Variants in TLL1 observed in about 807,000 individuals in gnomAD.
TLL1 encodes the protein tolloid-like protein 1.
A neutral mutation model predicts 128.2 loss-of-function variants in TLL1; 49 were observed. The observed-to-expected ratio is 0.38, with a 90% CI of 0.30 to 0.48. TLL1 has a LOEUF of 0.48. TLL1 is among the 20% of genes least tolerant of loss of function. The pLI, the probability that TLL1 is intolerant of heterozygous loss-of-function variation, is 0.96. For synonymous variants in TLL1, 454 were observed against 418.8 expected (o/e 1.08, Z -1.03); for missense variants, 1,123 against 1,242.0 (o/e 0.90, Z 1.44).
chr4:166,001,064 T>G (rs973716743), intron 5 of TLL1, among the ~76,000 whole-genome samples: 10 of 152,092 alleles, frequency 6.6e-5, no homozygotes, highest in African/African-American at 2.2e-4. Flanking sequence ...AGGATTTATA[T>G]TTGTGGAAAA....
intron 1 of TLL1, among the ~76,000 whole-genome samples, chr4:165,968,965 A>G (rs1735516739): frequency 6.6e-6 from 1 of 152,186 alleles, no homozygotes. Context: ...AGCCTTGTAG[A>G]ACCTGGAAGT....
chr4:165,973,754 C>T (rs1250475315), intron 1 of TLL1, among the ~76,000 whole-genome samples: 2 of 151,780 alleles, frequency 1.3e-5, no homozygotes, highest in Non-Finnish European at 2.9e-5. Flanking sequence ...CAATCTGCAC[C>T]TCCCAGGTAC....
At chr4:166,090,186 T>C (rs1741695205) in intron 18 of TLL1, among the ~76,000 whole-genome samples, 1 of 76,348 alleles carries the variant, frequency 1.3e-5, no homozygotes, top group Non-Finnish European at 2.8e-5. Flanking sequence ...TGCTTTATAA[T>C]ATTTTAGTTT....
At chr4:165,922,721 A>G (rs1733090113) in intron 1 of TLL1, among the ~76,000 whole-genome samples, 1 of 152,234 alleles carries the variant, frequency 6.6e-6, no homozygotes, top group African/African-American at 2.4e-5. Flanking sequence ...AGAAAAACAT[A>G]CAAGTTAAAA....
intron 5 of TLL1, among the ~76,000 whole-genome samples, chr4:165,996,603 TAAATAAATAAACAAAC>T (rs1736888267): frequency 4.6e-5 from 1 of 21,682 alleles, no homozygotes; most frequent in Non-Finnish European, 1.1e-4. Context: ...CATCTCAAAA[TAAATAAATAAACAAAC>T]AAACAAACAA....
At chr4:165,973,809 G>C (rs1027827070) in intron 1 of TLL1, among the ~76,000 whole-genome samples, 2 of 151,902 alleles carry the variant, frequency 1.3e-5, no homozygotes, top group African/African-American at 4.8e-5. Context: ...GGAAATACAG[G>C]TGTGAGCCAC....
chr4:166,068,114 A>C (rs1740656248), intron 16 of TLL1, among the ~76,000 whole-genome samples: 1 of 151,834 alleles, frequency 6.6e-6, no homozygotes, highest in Non-Finnish European at 1.5e-5. Flanking sequence ...GCTGTTTTTC[A>C]GATTGATATT....
chr4:165,962,733 A>T (rs1735172084), intron 1 of TLL1, among the ~76,000 whole-genome samples: 1 of 152,134 alleles, frequency 6.6e-6, no homozygotes, highest in Admixed American at 6.6e-5. Context: ...AGTCATAAAG[A>T]AAAGAAAGAA....
chr4:166,085,732 A>G (rs559592008), intron 18 of TLL1, among the ~76,000 whole-genome samples: 2 of 152,062 alleles, frequency 1.3e-5, no homozygotes, highest in Non-Finnish European at 2.9e-5. Context: ...ACTGGTCTTC[A>G]GGTTTTTTGT....
In TLL1 at chr4:165,979,511, T is replaced by C. The variant is rs868811247; in HGVS notation, c.170-9870T>C. On this transcript the variant is annotated intron_variant, in intron 1 of 20. Coordinates refer to ENST00000061240, the MANE Select transcript of TLL1 (RefSeq NM_012464.5). ...ATATGAGTTTGGAAGAATAGAAACA[T>C]GTACAGGAGTGACAAATACTATATT... Among the ~76,000 whole-genome samples the C allele has an allele frequency of 3.3e-5, 5 of 152,262 alleles. No homozygotes were observed. In the South Asian group the frequency reaches 1.0e-3, roughly 32 times the overall value.
chr4:166,054,731 T>G (rs887909444), intron 12 of TLL1, among the ~76,000 whole-genome samples: 1 of 147,640 alleles, frequency 6.8e-6, no homozygotes, highest in Non-Finnish European at 1.5e-5. Context: ...GCCCAGATTT[T>G]TAGTGATAAT....
rs1327366360 is a variant in TLL1 at position 165,873,915 on chromosome 4, G to C, written c.11G>C (p.Gly4Ala). 1 of 1,613,836 alleles carries C rather than the reference G, an allele frequency of 6.2e-7. No homozygotes were observed. The highest frequency in any genetic ancestry group is 1.3e-5 in the African/African-American group (1 of 74,910). Residue 4 changes from glycine (G) to alanine (A), a missense_variant, in exon 1 of 21, where the codon GGA becomes GCA. Physicochemically the swap from Gly to Ala is moderately conservative, Grantham distance 60. This residue lies in a region of TLL1 where 480 missense variants were observed against 542.4 expected (regional missense o/e 0.89). Transcript: ENST00000061240. MGL[G>A]TLSPRMLVWL... ...CTCCGGGGGAGGAGGATGGGGTTGG[G>C]AACGCTTTCCCCGAGGATGCTCGTG... is the stretch of plus-strand genomic sequence containing the variant.
At chr4:165,972,091 C>T (rs916075563) in intron 1 of TLL1, among the ~76,000 whole-genome samples, 1 of 151,596 alleles carries the variant, frequency 6.6e-6, no homozygotes, top group Non-Finnish European at 1.5e-5. Context: ...GGACAGATTG[C>T]TTGAGCAATC....
chr4:166,075,075 A>G (rs760229573), intron 17 of TLL1, 72 bp downstream of exon 17: 3 of 1,590,890 alleles, frequency 1.9e-6, no homozygotes, highest in Non-Finnish European at 2.6e-6. Context: ...ACTGCTTCCA[A>G]GTAGAGTTAA....
intron 8 of TLL1, among the ~76,000 whole-genome samples, chr4:166,025,013 C>CTT (rs1370239823): frequency 6.6e-6 from 1 of 152,034 alleles, no homozygotes; most frequent in South Asian, 2.1e-4. Flanking sequence ...CATGGGTGTG[C>CTT]TTTAGAGGGG....
rs1460825806 is a variant in TLL1, at chr4:166,102,140, T to TA, written c.*1265dup. 2 of 152,452 alleles carry TA rather than the reference T, an allele frequency of 1.3e-5. No homozygotes were observed. The highest frequency in any genetic ancestry group is 2.9e-5 in the Non-Finnish European group (2 of 67,950). The allele number at this position is 152,452 out of a possible 1,614,324, so 9.4% of individuals were successfully genotyped here. On this transcript the variant is annotated 3_prime_UTR_variant, in exon 21 of 21. Coordinates refer to ENST00000061240, the MANE Select transcript of TLL1 (RefSeq NM_012464.5). ...GCACTTGTCCTGTGGAACAACTACT[T>TA]ATAATGCCTTAGAATTCCTGCACAT...
intron 5 of TLL1, among the ~76,000 whole-genome samples, chr4:166,000,493 G>A (rs1476707271): frequency 1.3e-5 from 2 of 152,086 alleles, no homozygotes; most frequent in Non-Finnish European, 2.9e-5. Context: ...TGCTATGAGA[G>A]CAATTATGCT....
chr4:166,024,705 G>A (rs1011396765), intron 8 of TLL1, among the ~76,000 whole-genome samples: 1 of 151,830 alleles, frequency 6.6e-6, no homozygotes, highest in Non-Finnish European at 1.5e-5. Context: ...TGCTTTTTTA[G>A]CAATTTCTGC....
intron 1 of TLL1, among the ~76,000 whole-genome samples, chr4:165,949,024 A>G (rs1471303237): frequency 6.6e-6 from 1 of 152,172 alleles, no homozygotes; most frequent in Non-Finnish European, 1.5e-5. Flanking sequence ...ATATTAAAAT[A>G]GGAAGATTAT....
Sources: gnomAD v4.1 joint callset for allele counts (sites outside exome capture counted in the v4.1 genomes callset) on GRCh38, gnomAD v4.1.1 for gene constraint, gnomAD v4.1.1 regional missense constraint, MANE v1.5 for transcripts, NCBI Gene and HGNC (gene_info 2026-07-23, HGNC 2026-07-21) for gene names.